Variants in FER1L6 observed in about 807,000 individuals in gnomAD.
FER1L6 encodes fer-1 like family member 6.
A neutral mutation model predicts 219.2 loss-of-function variants in FER1L6; 177 were observed. The ratio of observed to expected loss-of-function variants is 0.81; its 90% CI spans 0.71 to 0.91. The LOEUF is 0.91. Ranked by LOEUF, FER1L6 falls within the 40% of genes least tolerant of loss-of-function variation. FER1L6 has a pLI of 0.00. For missense variants in FER1L6, 2,153 were observed against 2,259.9 expected (o/e 0.95, Z 0.96); for synonymous variants, 768 against 824.3 (o/e 0.93, Z 1.17).
chr8:123,956,662 G>A (rs896732288), intron 2 of FER1L6, among the ~76,000 whole-genome samples: 6 of 152,228 alleles, frequency 3.9e-5, no homozygotes, highest in African/African-American at 1.4e-4. Flanking sequence ...CAGTTGTTAA[G>A]TTATTAAAAG....
chr8:123,857,157 G>C (rs1393986591), intron 1 of FER1L6, among the ~76,000 whole-genome samples: 2 of 152,112 alleles, frequency 1.3e-5, no homozygotes, highest in Non-Finnish European at 2.9e-5. Context: ...ATTGTTCTCT[G>C]TGATTTTAGT....
intron 10 of FER1L6, among the ~76,000 whole-genome samples, 154 bp downstream of exon 10, chr8:123,977,763 G>T (rs548231935): frequency 6.6e-6 from 1 of 152,254 alleles, no homozygotes; most frequent in Admixed American, 6.5e-5. Flanking sequence ...ATGGGTTGGG[G>T]GATGGTTTTG....
intron 1 of FER1L6, among the ~76,000 whole-genome samples, chr8:123,889,335 A>G (rs1174831267): frequency 2.0e-5 from 3 of 152,186 alleles, no homozygotes; most frequent in Non-Finnish European, 4.4e-5. Context: ...TAAAATATAA[A>G]TGAGTAAGTG....
chr8:123,870,195 G>T (rs1368288588), intron 1 of FER1L6, among the ~76,000 whole-genome samples: 1 of 152,202 alleles, frequency 6.6e-6, no homozygotes, highest in Non-Finnish European at 1.5e-5. Flanking sequence ...CTCAAATGTT[G>T]CTGATGAAAA....
intron 13 of FER1L6, among the ~76,000 whole-genome samples, chr8:124,003,826 A>G (rs185381599): frequency 1.3e-5 from 2 of 152,254 alleles, no homozygotes; most frequent in East Asian, 1.9e-4. Context: ...GCAAGAAGGT[A>G]AGTACCACTC....
At chr8:123,946,629 A>C (rs1363509492) in intron 1 of FER1L6, among the ~76,000 whole-genome samples, 1 of 152,182 alleles carries the variant, frequency 6.6e-6, no homozygotes, top group Non-Finnish European at 1.5e-5. Context: ...AAACTCATTA[A>C]TATGTAAAAC....
intron 38 of FER1L6, among the ~76,000 whole-genome samples, chr8:124,101,738 A>G (rs1278407544): frequency 2.6e-5 from 4 of 152,254 alleles, no homozygotes; most frequent in Non-Finnish European, 5.9e-5. Context: ...GCCAAAATGT[A>G]TCTGAGACAA....
intron 1 of FER1L6, among the ~76,000 whole-genome samples, chr8:123,934,216 T>A (rs74577291): frequency 9.1e-4 from 138 of 152,298 alleles, no homozygotes; most frequent in African/African-American, 3.2e-3. Flanking sequence ...GCCTCCAGGG[T>A]TAACTGTTGA....
At chr8:123,921,845 C>T (rs1432667749) in intron 1 of FER1L6, among the ~76,000 whole-genome samples, 3 of 151,922 alleles carry the variant, frequency 2.0e-5, no homozygotes, top group Admixed American at 2.0e-4. Flanking sequence ...TAGAGGCCGC[C>T]CTCGGGCTGA....
At position 123,965,943 on chromosome 8, in the gene FER1L6, T is replaced by C. The variant is rs369640895; in HGVS notation, c.198-64T>C. ...AAGGACTTAGAAATACTTTGGAGAA[T>C]ATTATCATGACTTATGGATATTCTT... On this transcript the variant is annotated intron_variant, in intron 3 of 40. Transcript: ENST00000522917. 366 of 1,365,078 alleles carry C rather than the reference T, an allele frequency of 2.7e-4. 1 individual carries two copies. In the African/African-American group the frequency reaches 4.6e-3, roughly 17 times the overall value. The allele number at this position is 1,365,078 out of a possible 1,614,324, so 84.6% of individuals were successfully genotyped here.
intron 20 of FER1L6, 120 bp from the exon 21 acceptor site, chr8:124,045,647 G>A: frequency 9.2e-7 from 1 of 1,090,998 alleles, no homozygotes; most frequent in Middle Eastern, 2.0e-4. Flanking sequence ...ATATTGAATG[G>A]TGAGCAATCA....
intron 18 of FER1L6, among the ~76,000 whole-genome samples, chr8:124,024,249 A>G (rs775959126): frequency 2.0e-5 from 3 of 151,380 alleles, no homozygotes; most frequent in Non-Finnish European, 4.4e-5. Flanking sequence ...GTTTGTGATT[A>G]CATGGATAAG....
chr8:124,027,829 T>G (rs1818778056), intron 18 of FER1L6, among the ~76,000 whole-genome samples: 1 of 152,296 alleles, frequency 6.6e-6, no homozygotes, highest in African/African-American at 2.4e-5. Flanking sequence ...CCCAAAGCAC[T>G]GAGATTACAG....
chr8:123,972,195 A>G (rs6981430), intron 6 of FER1L6, among the ~76,000 whole-genome samples: 63,404 of 152,034 alleles, frequency 0.42, 13,568 homozygotes, highest in African/African-American at 0.5. Flanking sequence ...CCCATGGAAA[A>G]TTTAGGTTAG....
chr8:123,965,742 G>T (rs1815506983), intron 3 of FER1L6, among the ~76,000 whole-genome samples: 1 of 152,098 alleles, frequency 6.6e-6, no homozygotes, highest in African/African-American at 2.4e-5. Flanking sequence ...ATTTATTCTT[G>T]CCAGGTACTG....
chr8:123,988,076 C>T (rs754716501), intron 12 of FER1L6, among the ~76,000 whole-genome samples: 18 of 149,260 alleles, frequency 1.2e-4, no homozygotes, highest in Middle Eastern at 3.3e-3. Flanking sequence ...CCAGCCTGGG[C>T]GACAGAGCGC....
intron 12 of FER1L6, among the ~76,000 whole-genome samples, chr8:123,987,716 G>T (rs1364775529): frequency 6.6e-6 from 1 of 152,132 alleles, no homozygotes; most frequent in Admixed American, 6.5e-5. Flanking sequence ...GAACATAGGG[G>T]TCTAGTTTCA....
chr8:124,035,436 T>C lies in FER1L6; in HGVS notation c.2446T>C (p.Ser816Pro), dbSNP rs376035978. ...AGGGGCTGGCACCAATCACCCCCCATCTAACCTGCTCTACCAAGGTAGGGT... is the reference window on the plus strand; with the variant it reads ...AGGGGCTGGCACCAATCACCCCCCACCTAACCTGCTCTACCAAGGTAGGGT... ...SKGAGTNHPP[S>P]NLLYQEQHVF... The change falls in exon 19 of 41, where the codon TCT (serine) becomes CCT (proline). Residue 816 changes from serine to proline, a missense_variant. Ser to Pro is a moderately conservative substitution (Grantham distance 74). Transcript: ENST00000522917. 1.3e-4 allele frequency: 208 copies of C among 1,612,724 alleles called. No individual in the cohort carries two copies. Among genetic ancestry groups the C allele is most frequent in the Non-Finnish European group, 1.7e-4 (203 of 1,179,794 alleles).
chr8:124,073,896 AG>A (rs1821176531), intron 31 of FER1L6, among the ~76,000 whole-genome samples: 1 of 152,226 alleles, frequency 6.6e-6, no homozygotes. Context: ...TGTGACAAGA[AG>A]AAATGGGAAG....
Sources: gnomAD v4.1 joint callset for allele counts (sites outside exome capture counted in the v4.1 genomes callset) on GRCh38, gnomAD v4.1.1 for gene constraint, MANE v1.5 for transcripts, NCBI Gene and HGNC (gene_info 2026-07-23, HGNC 2026-07-21) for gene names.